RUSC2: variants seen among roughly 807,000 people sequenced by gnomAD.
The protein encoded by RUSC2 is AP-4 complex accessory subunit RUSC2.
Under a neutral mutation model 122.2 loss-of-function variants are expected in RUSC2, and 34 were observed. The observed-to-expected ratio is 0.28, with a 90% CI of 0.21 to 0.37. The LOEUF is 0.37. Among genes scored for constraint, RUSC2 ranks in the 10% least tolerant of loss-of-function variants. The pLI, the probability that RUSC2 is intolerant of heterozygous loss-of-function variation, is 1.00. For missense variants in RUSC2, 1,747 were observed against 1,952.4 expected, an observed-to-expected ratio of 0.89 and a Z score of 1.98; for synonymous variants, 784 against 790.0, an observed-to-expected ratio of 0.99 and a Z score of 0.13.
At chr9:35,550,964 G>C (rs539002170) in intron 2 of RUSC2, among the ~76,000 whole-genome samples, 26 of 151,010 alleles carry the variant, frequency 1.7e-4, no homozygotes, top group African/African-American at 6.1e-4. Flanking sequence ...AGCTACATGG[G>C]AGGCTGAGGC....
At chr9:35,533,412 G>C (rs1821462177) in intron 1 of RUSC2, among the ~76,000 whole-genome samples, 1 of 152,142 alleles carries the variant, frequency 6.6e-6, no homozygotes, top group Non-Finnish European at 1.5e-5. Context: ...TCTCTGTGGA[G>C]CTGAGCAACA....
rs1191945787 is a variant in RUSC2 at position 35,555,338 on chromosome 9, G to A, written c.2293G>A (p.Ala765Thr). 1 of 1,614,094 alleles carries A rather than the reference G, an allele frequency of 6.2e-7. No homozygotes were observed. Among genetic ancestry groups the A allele is most frequent in the Non-Finnish European group, 8.5e-7 (1 of 1,180,046 alleles). ...AGCCACTGGCAGAGGTGCCAGGAAA[G>A]CTGGGTCTGAGCCAGAGACCTCTCG... ...PRATGRGARK[A>T]GSEPETSRPS... The change falls in exon 3 of 12, where the codon GCT becomes ACT. Residue 765 changes from alanine to threonine, a missense_variant. Physicochemically the swap from Ala to Thr is moderately conservative, Grantham distance 58. Coordinates refer to ENST00000361226, the MANE Select transcript of RUSC2 (RefSeq NM_014806.5). This position sits in a 1 kb window ranked among gnomAD's most constrained non-coding sequence, Gnocchi z 4.6.
intron 1 of RUSC2, among the ~76,000 whole-genome samples, chr9:35,511,623 G>T (rs946179509): frequency 6.6e-6 from 1 of 152,206 alleles, no homozygotes; most frequent in African/African-American, 2.4e-5. Flanking sequence ...CTCGAACTTA[G>T]TTCAACTCAG....
At chr9:35,524,820 A>C (rs189150563) in intron 1 of RUSC2, among the ~76,000 whole-genome samples, 2 of 152,198 alleles carry the variant, frequency 1.3e-5, no homozygotes, top group East Asian at 1.9e-4. Context: ...AAATACAAAA[A>C]ATTAGCCGGG....
chr9:35,539,229 G>C (rs1193307984), intron 1 of RUSC2: 2 of 133,290 alleles, frequency 1.5e-5, no homozygotes, highest in African/African-American at 3.3e-5. Context: ...GGGGCGGTGC[G>C]GGGGGGGATA....
At position 35,547,479 on chromosome 9, in the gene RUSC2, T is replaced by C. The variant is rs780377287; in HGVS notation, c.958T>C (p.Phe320Leu). The C allele has an allele frequency of 6.2e-7, 1 of 1,614,184 alleles. No homozygotes were observed. The highest frequency in any genetic ancestry group is 1.1e-5 in the South Asian group (1 of 91,082). Reference protein sequence around the residue: ...SFCSHSDPGAFYLDLQPSPFE... With the variant: ...SFCSHSDPGALYLDLQPSPFE... The stretch of plus-strand genomic sequence containing the variant: ...CTGCAGCCACTCAGACCCTGGCGCC[T>C]TCTATCTGGATCTGCAGCCCTCCCC... Residue 320 changes from phenylalanine (F) to leucine (L), a missense_variant, in exon 2 of 12, where the codon TTC (phenylalanine) becomes CTC (leucine). By Grantham distance (22) the Phe-to-Leu change is conservative (BLOSUM62 0). Coordinates refer to ENST00000361226, the MANE Select transcript of RUSC2 (RefSeq NM_014806.5). This position sits in a 1 kb window ranked among gnomAD's most constrained non-coding sequence, Gnocchi z 4.6.
At chr9:35,549,726 T>G (rs529987312) in intron 2 of RUSC2, among the ~76,000 whole-genome samples, 1 of 152,348 alleles carries the variant, frequency 6.6e-6, no homozygotes, top group African/African-American at 2.4e-5. Context: ...AGCTTGACCC[T>G]TTCTAGGAAC....
chr9:35,505,027 T>G (rs1227047238), intron 1 of RUSC2, among the ~76,000 whole-genome samples: 1 of 152,246 alleles, frequency 6.6e-6, no homozygotes, highest in Non-Finnish European at 1.5e-5. Context: ...TGCTGTACAC[T>G]TAAACAGTTG....
intron 2 of RUSC2, among the ~76,000 whole-genome samples, chr9:35,551,559 T>A (rs1821896352): frequency 1.3e-5 from 2 of 152,194 alleles, no homozygotes; most frequent in African/African-American, 2.4e-5. Context: ...ATGACTGGCA[T>A]TCTGAGGGCA....
intron 1 of RUSC2, among the ~76,000 whole-genome samples, chr9:35,491,726 G>C (rs7846824): frequency 6.6e-6 from 1 of 152,198 alleles, no homozygotes; most frequent in Non-Finnish European, 1.5e-5. Context: ...CAGGTGGGCG[G>C]ATCACTAGAG....
intron 1 of RUSC2, among the ~76,000 whole-genome samples, chr9:35,499,035 C>G (rs1436064616): frequency 2.0e-5 from 3 of 151,870 alleles, no homozygotes; most frequent in Non-Finnish European, 4.4e-5. Context: ...GCCTGTAATC[C>G]CAGCACTTTG....
Position 35,560,071 on chromosome 9 carries a change from C to T in RUSC2, c.3431C>T (p.Ala1144Val), listed in dbSNP as rs758242709. Reference protein sequence around the residue: ...THYQPWGFLSAAHTVCPGLFE... With the variant: ...THYQPWGFLSVAHTVCPGLFE... ...TACCAGCCCTGGGGCTTCCTGAGTG[C>T]AGCTCATACCGTGTGTCCCGGCCTC... Residue 1144 changes from alanine (A) to valine (V), a missense_variant, in exon 10 of 12, where the codon GCA (alanine) becomes GTA (valine). Coordinates refer to ENST00000361226, the MANE Select transcript of RUSC2 (RefSeq NM_014806.5). 1 of 1,612,488 alleles carries T rather than the reference C, an allele frequency of 6.2e-7. No homozygotes were observed. The highest frequency in any genetic ancestry group is 8.5e-7 in the Non-Finnish European group (1 of 1,178,812).
In RUSC2 at chr9:35,561,800, G is replaced by GTCA. The variant is rs1253063339; in HGVS notation, c.*422_*424dup. The GTCA allele has an allele frequency of 6.9e-6, 4 of 577,912 alleles. No individual in the cohort carries two copies. The highest frequency in any genetic ancestry group is 5.6e-5 in the Admixed American group (2 of 35,470). The allele number at this position is 577,912 out of a possible 1,614,324, so 35.8% of individuals were successfully genotyped here. On this transcript the variant is annotated 3_prime_UTR_variant, in exon 12 of 12. Coordinates refer to ENST00000361226, the MANE Select transcript of RUSC2 (RefSeq NM_014806.5). ...GTAAATAGGCTGTGGCCAGTGCCTGGTCATCAGAAGAGGGAGGAGGAGCCC... is the reference window on the plus strand; with the variant it reads ...GTAAATAGGCTGTGGCCAGTGCCTGGTCATCATCAGAAGAGGGAGGAGGAGCCC...
intron 1 of RUSC2, among the ~76,000 whole-genome samples, chr9:35,537,290 C>T (rs1252415540): frequency 3.3e-5 from 5 of 152,290 alleles, no homozygotes; most frequent in Admixed American, 2.0e-4. Context: ...GTAAGAGGCT[C>T]GAACTCCAAA....
At chr9:35,550,352 G>A (rs761565576) in intron 2 of RUSC2, among the ~76,000 whole-genome samples, 4 of 152,026 alleles carry the variant, frequency 2.6e-5, no homozygotes, top group African/African-American at 4.8e-5. Context: ...CTTGCTGGGC[G>A]TGGTGACTCA....
At chr9:35,498,281 G>A (rs572837094) in intron 1 of RUSC2, among the ~76,000 whole-genome samples, 2 of 152,176 alleles carry the variant, frequency 1.3e-5, no homozygotes, top group South Asian at 4.1e-4. Context: ...GCTCATGCCT[G>A]TAATCTCAGC....
chr9:35,522,512 G>A (rs976572956), intron 1 of RUSC2, among the ~76,000 whole-genome samples: 1 of 152,150 alleles, frequency 6.6e-6, no homozygotes, highest in Non-Finnish European at 1.5e-5. Context: ...TCTTTTTGCT[G>A]TTCTGGCCTC....
rs1821091129 is a variant in RUSC2 at position 35,515,852 on chromosome 9, A to G, written c.-93+25680A>G. On this transcript the variant is annotated intron_variant, in intron 1 of 11. Transcript: ENST00000361226. ...CATCTCTACTAAAAATTCAAAAATT[A>G]GCTGGGCATGGTGGCGCGCACCTCT... Among the ~76,000 whole-genome samples, 2 of 151,842 alleles carry G rather than the reference A, an allele frequency of 1.3e-5. 1 individual carries two copies. The highest frequency in any genetic ancestry group is 4.2e-4 in the South Asian group (2 of 4,802).
chr9:35,490,814 C>G (rs1397925274), intron 1 of RUSC2, among the ~76,000 whole-genome samples: 1 of 152,204 alleles, frequency 6.6e-6, no homozygotes, highest in Non-Finnish European at 1.5e-5. Flanking sequence ...GCACGGTGAT[C>G]CTGTTGCCCA....
Sources: allele counts gnomAD v4.1 joint callset (sites outside exome capture counted in the v4.1 genomes callset), GRCh38; gene constraint gnomAD v4.1.1; non-coding constraint Gnocchi (gnomAD v3.1); transcripts MANE v1.5; gene names NCBI Gene and HGNC (gene_info 2026-07-23, HGNC 2026-07-21).